Variants in DOCK11 observed in about 807,000 individuals in gnomAD.
The protein encoded by DOCK11 is dedicator of cytokinesis protein 11.
Under a neutral mutation model 169.1 loss-of-function variants are expected in DOCK11, and 70 were observed. The ratio of observed to expected loss-of-function variants is 0.41; its 90% CI spans 0.34 to 0.51. The LOEUF (loss-of-function observed/expected upper bound fraction) is 0.51. Among genes scored for constraint, DOCK11 ranks in the 20% least tolerant of loss-of-function variants. The probability of loss-of-function intolerance (pLI) is 0.10; values close to 1 mark genes in which losing one functional copy is unlikely to be tolerated. For synonymous variants in DOCK11, 529 were observed against 541.3 expected (o/e 0.98, Z 0.32); for missense variants, 1,166 against 1,538.8 (o/e 0.76, Z 4.05).
At chrX:118,501,454 C>T (rs999234682) in intron 1 of DOCK11, among the ~76,000 whole-genome samples, 2 of 112,323 alleles carry the variant, frequency 1.8e-5, no homozygotes, top group Admixed American at 1.9e-4. Context: ...CCACTGCACT[C>T]CAGCCTAGGC....
intron 6 of DOCK11, among the ~76,000 whole-genome samples, chrX:118,554,288 A>G (rs1006120698): frequency 5.4e-5 from 6 of 111,914 alleles, no homozygotes; most frequent in Admixed American, 4.7e-4. Context: ...AGTGGCTCAC[A>G]CTTGTAATCC....
At chrX:118,516,098 T>TC (rs1297609928) in intron 1 of DOCK11, among the ~76,000 whole-genome samples, 1 of 80,415 alleles carries the variant, frequency 1.2e-5, no homozygotes, top group African/African-American at 5.1e-5. Context: ...TTTTTCTTTT[T>TC]TTTTTTTTTT....
At chrX:118,645,676 A>T (rs1327834972) in intron 40 of DOCK11, among the ~76,000 whole-genome samples, 1 of 109,489 alleles carries the variant, frequency 9.1e-6, no homozygotes, top group African/African-American at 3.3e-5. Context: ...AAAAGAATTC[A>T]TAATTATTAT....
chrX:118,523,833 G>T (rs142027402), intron 1 of DOCK11, among the ~76,000 whole-genome samples: 2 of 111,524 alleles, frequency 1.8e-5, no homozygotes, highest in African/African-American at 3.3e-5. Flanking sequence ...TTGCAGGGGG[G>T]ACTGAAGAGA....
intron 41 of DOCK11, among the ~76,000 whole-genome samples, chrX:118,650,879 C>T (rs1414103262): frequency 8.9e-6 from 1 of 112,077 alleles, no homozygotes; most frequent in Non-Finnish European, 1.9e-5. Context: ...GTTATGATCT[C>T]TTTCATCCTC....
chrX:118,680,613 T>A lies in DOCK11; in HGVS notation c.5592T>A (p.Val1864=), dbSNP rs1207849034. 2 of 1,211,010 alleles carry A rather than the reference T, an allele frequency of 1.7e-6. No individual in the cohort carries two copies. Among genetic ancestry groups the A allele is most frequent in the East Asian group, 5.9e-5 (2 of 33,794 alleles). ...GAAATCATAATATCAGCAGATTTGT[T>A]TTTGAGGCCCCTTACACTTTATCAG... ...FERNHNISRF[V]FEAPYTLSGK... The change falls in exon 49 of 53, where the codon GTT becomes GTA. Residue 1864 remains valine, a synonymous_variant. Coordinates refer to ENST00000276202, the MANE Select transcript of DOCK11 (RefSeq NM_144658.4).
chrX:118,571,889 A>C (rs1459020051), intron 10 of DOCK11, among the ~76,000 whole-genome samples: 1 of 111,906 alleles, frequency 8.9e-6, no homozygotes, highest in Admixed American at 9.5e-5. Context: ...CAGCTATCTG[A>C]GGGAAGAGGG....
chrX:118,625,185 C>G (rs1382828108), intron 32 of DOCK11, among the ~76,000 whole-genome samples: 1 of 108,233 alleles, frequency 9.2e-6, no homozygotes, highest in African/African-American at 3.4e-5. Context: ...GACAGAGTCT[C>G]GCTCTGTCGC....
At chrX:118,568,892 G>A (rs770568611) in intron 10 of DOCK11, among the ~76,000 whole-genome samples, 2 of 110,888 alleles carry the variant, frequency 1.8e-5, no homozygotes, top group Non-Finnish European at 3.8e-5. Flanking sequence ...TGAGGAAGAC[G>A]AAATTTTTTG....
intron 11 of DOCK11, 23 bp downstream of exon 11, chrX:118,572,486 C>T: frequency 8.5e-7 from 1 of 1,171,859 alleles, no homozygotes. Context: ...TTGCCTTCTA[C>T]CCCCCTTGCA....
In DOCK11 at chrX:118,570,075, T is replaced by A. The variant is rs181370862; in HGVS notation, c.1035+1913T>A. ...TTTAAGGAGAAGAAATTGAATGTAA[T>A]GTTGGTTATGGAAGGCAGTGTCGCC... On this transcript the variant is annotated intron_variant, in intron 10 of 52. Coordinates refer to ENST00000276202, the MANE Select transcript of DOCK11 (RefSeq NM_144658.4). 5.3e-5 allele frequency among the ~76,000 whole-genome samples: 6 copies of A among 112,354 alleles called. No homozygotes were observed. In the East Asian group the frequency reaches 1.7e-3, roughly 31 times the overall value.
chrX:118,660,631 ATTTTTTGTATTT>A (rs1434220661), intron 44 of DOCK11, among the ~76,000 whole-genome samples: 1 of 107,713 alleles, frequency 9.3e-6, no homozygotes, highest in Non-Finnish European at 1.9e-5. Context: ...CGCCCAGCTA[ATTTTTTGTATTT>A]TTTTTTTTAG....
chrX:118,658,024 G>A (rs1004960499), intron 44 of DOCK11, among the ~76,000 whole-genome samples: 2 of 111,670 alleles, frequency 1.8e-5, no homozygotes, highest in Admixed American at 9.5e-5. Context: ...GCATTAGTGA[G>A]CTTTTTGAAG....
At chrX:118,588,040 T>C (rs767968174) in intron 16 of DOCK11, 97 bp from the exon 17 acceptor site, 130 of 810,391 alleles carry the variant, frequency 1.6e-4, no homozygotes, top group Non-Finnish European at 2.1e-4. Flanking sequence ...TAAATCGCTC[T>C]TTGAGAATGC....
chrX:118,523,344 T>C (rs1374406067), intron 1 of DOCK11, among the ~76,000 whole-genome samples: 6 of 112,511 alleles, frequency 5.3e-5, no homozygotes, highest in African/African-American at 1.6e-4. Context: ...TGGAGACCTT[T>C]CTAGAAATAT....
chrX:118,664,961 T>G (rs1240177094), intron 45 of DOCK11, among the ~76,000 whole-genome samples: 1 of 112,485 alleles, frequency 8.9e-6, no homozygotes, highest in Non-Finnish European at 1.9e-5. Flanking sequence ...CTTTATGAAT[T>G]GATTTTTTAA....
rs184543539 is a variant in DOCK11 at position 118,528,674 on chromosome X, T to G, written c.103-14051T>G. On this transcript the variant is annotated intron_variant, in intron 1 of 52. Coordinates refer to ENST00000276202, the MANE Select transcript of DOCK11 (RefSeq NM_144658.4). ...ATGCTTCAGGAAGGGCGTGGGCGAG[T>G]GCTTCTTGCTATTACTTCTTGTAAC... Among the ~76,000 whole-genome samples the G allele has an allele frequency of 1.6e-3, 181 of 110,166 alleles. 4 individuals are homozygous for G. The Admixed American group carries it at 0.017, about 10-fold the overall frequency.
intron 1 of DOCK11, among the ~76,000 whole-genome samples, chrX:118,540,732 C>G (rs2011960344): frequency 9.0e-6 from 1 of 111,431 alleles, no homozygotes; most frequent in Admixed American, 9.6e-5. Context: ...TGTTGTGAAC[C>G]ATGTATAAAA....
chrX:118,572,730 T>C (rs1043633981), intron 11 of DOCK11, among the ~76,000 whole-genome samples: 1 of 111,880 alleles, frequency 8.9e-6, no homozygotes, highest in African/African-American at 3.2e-5. Flanking sequence ...TATGATAAAT[T>C]TGACATGGAA....
Sources: allele counts gnomAD v4.1 joint callset (sites outside exome capture counted in the v4.1 genomes callset), GRCh38; gene constraint gnomAD v4.1.1; transcripts MANE v1.5; gene names NCBI Gene and HGNC (gene_info 2026-07-23, HGNC 2026-07-21).